The following MSRA variants were observed in gnomAD, a reference collection of about 807,000 sequenced individuals.
MSRA encodes the protein methionine sulfoxide reductase A, also known as mitochondrial peptide methionine sulfoxide reductase.
Under a neutral mutation model 31.3 loss-of-function variants are expected in MSRA, and 54 were observed. That is an observed-to-expected ratio of 1.73 (90% CI 1.39 to 2.17). The LOEUF (loss-of-function observed/expected upper bound fraction) is 2.17, where lower values mean the gene tolerates loss of function less well. MSRA is among the 30% of genes most tolerant of loss of function. MSRA has a pLI of 0.00. For missense variants in MSRA, 507 were observed against 300.9 expected (o/e 1.69, Z -5.07); for synonymous variants, 169 against 116.5 (o/e 1.45, Z -2.90).
intron 2 of MSRA, among the ~76,000 whole-genome samples, chr8:10,233,125 A>G (rs184152990): frequency 3.9e-4 from 60 of 152,346 alleles, no homozygotes; most frequent in Middle Eastern, 6.8e-3. Context: ...ATTCAGATAT[A>G]TCCCGGAAGA....
At chr8:10,378,815 A>G (rs1030006670) in intron 5 of MSRA, among the ~76,000 whole-genome samples, 3 of 152,226 alleles carry the variant, frequency 2.0e-5, no homozygotes, top group African/African-American at 7.2e-5. Context: ...AAGTGTTCTG[A>G]GGCACACTAA....
chr8:10,218,835 C>A (rs1197371567), intron 2 of MSRA, among the ~76,000 whole-genome samples: 1 of 152,182 alleles, frequency 6.6e-6, no homozygotes, highest in Non-Finnish European at 1.5e-5. Context: ...AAATTTGTAA[C>A]CAGTTGGGTG....
At chr8:10,209,947 C>G (rs1339851762) in intron 2 of MSRA, among the ~76,000 whole-genome samples, 7 of 152,208 alleles carry the variant, frequency 4.6e-5, no homozygotes, top group Non-Finnish European at 8.8e-5. Flanking sequence ...TGCAGTTTAG[C>G]TCTTCCAGAT....
At chr8:10,237,008 T>C (rs913256904) in intron 2 of MSRA, among the ~76,000 whole-genome samples, 1 of 152,240 alleles carries the variant, frequency 6.6e-6, no homozygotes, top group African/African-American at 2.4e-5. Flanking sequence ...ACCCTCTAGC[T>C]GATAGTACAA....
intron 1 of MSRA, among the ~76,000 whole-genome samples, chr8:10,096,985 A>G (rs1258464863): frequency 1.3e-5 from 2 of 152,220 alleles, no homozygotes; most frequent in Non-Finnish European, 2.9e-5. Flanking sequence ...TGGGCAGTAT[A>G]AAAGACTGCC....
intron 5 of MSRA, among the ~76,000 whole-genome samples, chr8:10,349,688 C>A (rs1804005307): frequency 1.3e-5 from 2 of 152,198 alleles, no homozygotes; most frequent in African/African-American, 2.4e-5. Context: ...GCCTGGCGCT[C>A]CTCGATTGGA....
At chr8:10,108,063 T>A (rs1309945742) in intron 1 of MSRA, among the ~76,000 whole-genome samples, 1 of 152,180 alleles carries the variant, frequency 6.6e-6, no homozygotes, top group African/African-American at 2.4e-5. Context: ...CTTGATAATA[T>A]ACTTAATGTT....
intron 5 of MSRA, among the ~76,000 whole-genome samples, chr8:10,322,225 C>T (rs1293063914): frequency 1.1e-5 from 1 of 93,962 alleles, no homozygotes; most frequent in East Asian, 3.3e-4. Context: ...CCCCATTATC[C>T]CCATTTTCCA....
At chr8:10,408,056 A>G (rs939720257) in intron 5 of MSRA, among the ~76,000 whole-genome samples, 1 of 152,132 alleles carries the variant, frequency 6.6e-6, no homozygotes, top group Non-Finnish European at 1.5e-5. Flanking sequence ...ATTTTGTTTC[A>G]AGAGTAATCA....
chr8:10,084,217 G>A (rs766754495), intron 1 of MSRA, among the ~76,000 whole-genome samples: 1 of 152,188 alleles, frequency 6.6e-6, no homozygotes, highest in Non-Finnish European at 1.5e-5. Context: ...TTTTCCTAGC[G>A]CTTCTCTTTC....
intron 3 of MSRA, among the ~76,000 whole-genome samples, chr8:10,291,707 G>T (rs1210066443): frequency 1.3e-5 from 2 of 152,042 alleles, no homozygotes; most frequent in Admixed American, 6.6e-5. Context: ...GGATCATTCT[G>T]TGTGCTCTTT....
chr8:10,227,858 A>T (rs948451559), intron 2 of MSRA, among the ~76,000 whole-genome samples: 2 of 152,234 alleles, frequency 1.3e-5, no homozygotes, highest in African/African-American at 4.8e-5. Context: ...AATCAAGAGT[A>T]GGGATAAGGA....
intron 3 of MSRA, among the ~76,000 whole-genome samples, chr8:10,287,422 C>A (rs1449667983): frequency 6.6e-6 from 1 of 152,184 alleles, no homozygotes; most frequent in Non-Finnish European, 1.5e-5. Context: ...TCATGAGCTA[C>A]AAAAGTGTTA....
chr8:10,219,139 T>G (rs979733681), intron 2 of MSRA, among the ~76,000 whole-genome samples: 1 of 152,164 alleles, frequency 6.6e-6, no homozygotes, highest in Admixed American at 6.5e-5. Context: ...GTTGAAATGA[T>G]AGAAATGGAG....
At chr8:10,160,369 C>T (rs1256206818) in intron 1 of MSRA, among the ~76,000 whole-genome samples, 2 of 151,998 alleles carry the variant, frequency 1.3e-5, no homozygotes, top group African/African-American at 4.8e-5. Flanking sequence ...GTGGTGGGCC[C>T]CTGTAGTCCC....
In MSRA at chr8:10,268,967, G is replaced by A. The variant is rs79229460; in HGVS notation, c.331+23744G>A. ...AGTTTTCTGGAGAAGATGCAGATTG[G>A]AACACAATGACTACAGATAGATAAG... On this transcript the variant is annotated intron_variant, in intron 3 of 5. Coordinates refer to ENST00000317173, the MANE Select transcript of MSRA (RefSeq NM_012331.5). Among the ~76,000 whole-genome samples, 957 of 152,306 alleles carry A rather than the reference G, an allele frequency of 6.3e-3. 70 individuals are homozygous for A. In the East Asian group the frequency reaches 0.16, roughly 26 times the overall value.
intron 3 of MSRA, among the ~76,000 whole-genome samples, chr8:10,264,446 T>C (rs1270724834): frequency 1.3e-5 from 2 of 152,260 alleles, no homozygotes; most frequent in East Asian, 1.9e-4. Flanking sequence ...TGAATCTTTT[T>C]CAAAATTTTC....
chr8:10,123,476 A>G (rs1186763408), intron 1 of MSRA, among the ~76,000 whole-genome samples: 3 of 152,002 alleles, frequency 2.0e-5, no homozygotes, highest in Non-Finnish European at 4.4e-5. Flanking sequence ...TTGTCTGTTT[A>G]CTCTGTTGAT....
chr8:10,279,225 A>T (rs180780483), intron 3 of MSRA, among the ~76,000 whole-genome samples: 2 of 152,286 alleles, frequency 1.3e-5, no homozygotes, highest in East Asian at 3.9e-4. Context: ...TAAAGCGTGC[A>T]TTGCGTGTCT....
Sources: allele counts gnomAD v4.1 joint callset (sites outside exome capture counted in the v4.1 genomes callset), GRCh38; gene constraint gnomAD v4.1.1; transcripts MANE v1.5; gene names NCBI Gene and HGNC (gene_info 2026-07-23, HGNC 2026-07-21).